The following KNDC1 variants were observed in gnomAD, a reference collection of about 807,000 sequenced individuals.
The protein encoded by KNDC1 is kinase non-catalytic C-lobe domain containing 1.
Under a neutral mutation model 172.8 loss-of-function variants are expected in KNDC1, and 106 were observed. The observed-to-expected ratio is 0.61, with a 90% CI of 0.52 to 0.72. The LOEUF is 0.72. Among genes scored for constraint, KNDC1 ranks in the 30% least tolerant of loss-of-function variants. The pLI, the probability that KNDC1 is intolerant of heterozygous loss-of-function variation, is 0.00. For missense variants in KNDC1, 2,325 were observed against 2,394.5 expected (o/e 0.97, Z 0.61); for synonymous variants, 1,083 against 1,062.2 (o/e 1.02, Z -0.38).
In KNDC1 at chr10:133,226,371, C is replaced by T. The variant is rs1342429925; in HGVS notation, c.*1481C>T. ...GCGCGACTGTCCGCATGGCTCCCTC[C>T]CGTCCTGGCACCAATTTCTGAATAA... On this transcript the variant is annotated 3_prime_UTR_variant, in exon 30 of 30. Coordinates refer to ENST00000304613, the MANE Select transcript of KNDC1 (RefSeq NM_152643.8). 6.6e-6 allele frequency: 1 copy of T among 152,324 alleles called. No individual in the cohort carries two copies. The highest frequency in any genetic ancestry group is 2.4e-5 in the African/African-American group (1 of 41,468). 9.4% of individuals were successfully genotyped at this position (152,324 alleles called of 1,614,324 possible).
chr10:133,199,092 A>G lies in KNDC1; in HGVS notation c.2584A>G (p.Ser862Gly). ...AGERDDQSPD[S>G]VPERPRPADR... ...GGAACGTGATGACCAGAGTCCAGAC[A>G]GTGTCCCAGAGAGGCCGCGGCCCGC... The change falls in exon 14 of 30, where the codon AGT becomes GGT. Residue 862 changes from serine to glycine, a missense_variant. Coordinates refer to ENST00000304613, the MANE Select transcript of KNDC1 (RefSeq NM_152643.8). 2.5e-6 allele frequency: 4 copies of G among 1,608,622 alleles called. No homozygotes were observed. The highest frequency in any genetic ancestry group is 2.2e-5 in the East Asian group (1 of 44,636).
At position 133,225,088 on chromosome 10, in the gene KNDC1, C is replaced by A. The variant is rs1845694284; in HGVS notation, c.*198C>A. 1 of 590,530 alleles carries A rather than the reference C, an allele frequency of 1.7e-6. No homozygotes were observed. Among genetic ancestry groups the A allele is most frequent in the East Asian group, 2.8e-5 (1 of 35,432 alleles). 36.6% of individuals were successfully genotyped at this position (590,530 alleles called of 1,614,324 possible). On this transcript the variant is annotated 3_prime_UTR_variant, in exon 30 of 30. Coordinates refer to ENST00000304613, the MANE Select transcript of KNDC1 (RefSeq NM_152643.8). ...CTGGTCTCCTCCCAGCAGACGGAGCCAGGACGGGCACAAGAGTCTTGGAGG... is the reference window on the plus strand; with the variant it reads ...CTGGTCTCCTCCCAGCAGACGGAGCAAGGACGGGCACAAGAGTCTTGGAGG...
chr10:133,223,549 G>C (rs74801976), intron 29 of KNDC1, among the ~76,000 whole-genome samples: 1 of 75,906 alleles, frequency 1.3e-5, no homozygotes. Flanking sequence ...CGGCGTGTGT[G>C]TGCGTGTGTG....
At chr10:133,196,741 G>A (rs555558400) in intron 10 of KNDC1, among the ~76,000 whole-genome samples, 1 of 152,308 alleles carries the variant, frequency 6.6e-6, no homozygotes, top group East Asian at 1.9e-4. Flanking sequence ...GTGGCCGGGG[G>A]CAGGGAGCGT....
In KNDC1 at chr10:133,209,695, G is replaced by A. The variant is rs944697226; in HGVS notation, c.3795-916G>A. On this transcript the variant is annotated intron_variant, in intron 20 of 29. Coordinates refer to ENST00000304613, the MANE Select transcript of KNDC1 (RefSeq NM_152643.8). The surrounding 1 kb of genome is among the most constrained non-coding windows in gnomAD (Gnocchi z 4.9). The stretch of plus-strand genomic sequence containing the variant: ...TGATGTGGTCACGAGGGGCTTCCCC[G>A]CTCTGTGGACCTGGTGGGCGTCACC... 1.6e-4 allele frequency among the ~76,000 whole-genome samples: 24 copies of A among 152,046 alleles called. No individual in the cohort carries two copies. The highest frequency in any genetic ancestry group is 3.2e-3 in the Middle Eastern group (1 of 316).
At chr10:133,215,280 G>A (rs527459173) in intron 26 of KNDC1, among the ~76,000 whole-genome samples, 10 of 152,306 alleles carry the variant, frequency 6.6e-5, no homozygotes, top group Non-Finnish European at 2.9e-5. Context: ...GGAGCTGCTC[G>A]CAGTCCACCA....
At chr10:133,200,287 C>T (rs1049032846) in intron 15 of KNDC1, 88 bp from the exon 16 acceptor site, 6 of 983,298 alleles carry the variant, frequency 6.1e-6, no homozygotes, top group Middle Eastern at 4.4e-4. Flanking sequence ...TCCGCATAGA[C>T]GTGTGGGCCT....
chr10:133,193,474 C>A (rs955416617), intron 9 of KNDC1, among the ~76,000 whole-genome samples: 3 of 152,006 alleles, frequency 2.0e-5, no homozygotes, highest in Non-Finnish European at 4.4e-5. Context: ...GCAGTGAGCC[C>A]AGATACAGCC....
In KNDC1 at chr10:133,224,550, T is replaced by A; in HGVS notation, c.5019-109T>A. ...AACCCACCCTTCAGAATTTACACGGTGAAAAGATTTAGTCCAAATGATTCC... is the reference window on the plus strand; with the variant it reads ...AACCCACCCTTCAGAATTTACACGGAGAAAAGATTTAGTCCAAATGATTCC... On this transcript the variant is annotated intron_variant, in intron 29 of 29. Transcript: ENST00000304613. The surrounding 1 kb of genome is among the most constrained non-coding windows in gnomAD (Gnocchi z 5.4). The A allele has an allele frequency of 1.3e-6, 1 of 761,932 alleles. No homozygotes were observed. The highest frequency in any genetic ancestry group is 2.5e-4 in the Middle Eastern group (1 of 4,048). 47.2% of individuals were successfully genotyped at this position (761,932 alleles called of 1,614,324 possible).
intron 3 of KNDC1, among the ~76,000 whole-genome samples, chr10:133,180,618 TAAAC>T (rs1216821106): frequency 6.6e-6 from 1 of 152,238 alleles, no homozygotes; most frequent in Non-Finnish European, 1.5e-5. Flanking sequence ...CTGCTGAAGA[TAAAC>T]AGGTCAGATT....
intron 20 of KNDC1, among the ~76,000 whole-genome samples, chr10:133,207,882 G>C (rs1217106186): frequency 1.3e-5 from 2 of 152,206 alleles, no homozygotes; most frequent in African/African-American, 2.4e-5. Context: ...CAGGGCCACA[G>C]GGCCAGACCC....
chr10:133,197,630 G>A (rs369415467), intron 11 of KNDC1, 45 bp from the exon 12 acceptor site: 56 of 1,464,234 alleles, frequency 3.8e-5, no homozygotes, highest in Admixed American at 1.0e-4. Flanking sequence ...CGGCGCTGGC[G>A]GAGCTCCGTG....
intron 17 of KNDC1, among the ~76,000 whole-genome samples, chr10:133,205,886 A>G (rs1199562299): frequency 6.6e-6 from 1 of 152,108 alleles, no homozygotes; most frequent in African/African-American, 2.4e-5. Context: ...TAAAAAATAA[A>G]ATAAAATTAA....
chr10:133,207,128 C>A lies in KNDC1; in HGVS notation c.3580-9C>A. ...AGAGTGACCAAGCGCCCGTGTCCCG[C>A]TCCGGCAGGTCATGTACGCGGAACG... On this transcript the variant is annotated splice_polypyrimidine_tract_variant and intron_variant, in intron 19 of 29. Transcript: ENST00000304613. 1 of 1,576,432 alleles carries A rather than the reference C, an allele frequency of 6.3e-7. No individual in the cohort carries two copies. Among genetic ancestry groups the A allele is most frequent in the Non-Finnish European group, 8.6e-7 (1 of 1,161,978 alleles).
In KNDC1 at chr10:133,211,868, T is replaced by C; in HGVS notation, c.4236+10T>C. On this transcript the variant is annotated intron_variant, in intron 23 of 29. Coordinates refer to ENST00000304613, the MANE Select transcript of KNDC1 (RefSeq NM_152643.8). The stretch of plus-strand genomic sequence containing the variant: ...CGGCATCTCCAGGAAGGTGGGGTCC[T>C]TTCTCAGGGGAGGTCCTCCCTGGAC... 3 of 1,600,652 alleles carry C rather than the reference T, an allele frequency of 1.9e-6. No individual in the cohort carries two copies. Among genetic ancestry groups the C allele is most frequent in the Middle Eastern group, 1.7e-4 (1 of 5,998 alleles).
chr10:133,210,123 C>G (rs985020959), intron 20 of KNDC1, among the ~76,000 whole-genome samples: 3 of 151,996 alleles, frequency 2.0e-5, no homozygotes, highest in African/African-American at 7.3e-5. Flanking sequence ...CGGTGGCTCA[C>G]GCCTGTCATT....
intron 21 of KNDC1, among the ~76,000 whole-genome samples, chr10:133,211,123 C>T (rs906581028): frequency 4.6e-5 from 7 of 152,020 alleles, no homozygotes; most frequent in Non-Finnish European, 1.5e-5. Flanking sequence ...CACCTGGTGT[C>T]AGGAGAGGGG....
intron 4 of KNDC1, 67 bp from the exon 5 acceptor site, chr10:133,183,805 C>A (rs1308865606): frequency 1.6e-6 from 2 of 1,264,488 alleles, no homozygotes; most frequent in African/African-American, 1.5e-5. Context: ...CCGGCCGTGT[C>A]GGGTGGGTGG....
rs924057663 is a variant in KNDC1, at chr10:133,225,532, C to T, written c.*642C>T. On this transcript the variant is annotated 3_prime_UTR_variant, in exon 30 of 30. Transcript: ENST00000304613. ...CCAAGGCCTGCTGCTGGAGCAGGCA[C>T]CTTGGGCTGGGCCTGCTCCCCCAGG... is the stretch of plus-strand genomic sequence containing the variant. The T allele has an allele frequency of 6.5e-6, 1 of 153,526 alleles. No homozygotes were observed. The highest frequency in any genetic ancestry group is 1.9e-4 in the East Asian group (1 of 5,182). The allele number at this position is 153,526 out of a possible 1,614,324, so 9.5% of individuals were successfully genotyped here. A position where few individuals can be genotyped will look rare whatever the true frequency, so the allele number is the denominator to read the frequency against.
Sources: gnomAD v4.1 joint callset for allele counts (sites outside exome capture counted in the v4.1 genomes callset) on GRCh38, gnomAD v4.1.1 for gene constraint, Gnocchi (gnomAD v3.1) non-coding constraint, MANE v1.5 for transcripts, NCBI Gene and HGNC (gene_info 2026-07-23, HGNC 2026-07-21) for gene names.